The following ABCA13 variants were observed in gnomAD, a reference collection of about 807,000 sequenced individuals.
The protein encoded by ABCA13 is ATP binding cassette subfamily A member 13, also known as ATP-binding cassette sub-family A member 13.
In ABCA13, 476 loss-of-function variants were observed where a neutral mutation model predicts 478.7. The observed-to-expected ratio is 0.99, with a 90% CI of 0.92 to 1.07. The LOEUF is 1.07. ABCA13 is among the 50% of genes least tolerant of loss of function. The pLI, the probability that ABCA13 is intolerant of heterozygous loss-of-function variation, is 0.00. For missense variants in ABCA13, 6,060 were observed against 5,910.6 expected (o/e 1.03, Z -0.83); for synonymous variants, 2,252 against 2,158.9 (o/e 1.04, Z -1.20).
chr7:48,427,923 C>T, intron 42 of ABCA13, 52 bp downstream of exon 42: 2 of 1,211,380 alleles, frequency 1.7e-6, no homozygotes, highest in Admixed American at 4.9e-5. Flanking sequence ...ATGACACCAG[C>T]CTTATTCAAC....
chr7:48,637,381 C>CAAA (rs1156643955), intron 59 of ABCA13, among the ~76,000 whole-genome samples: 524 of 20,242 alleles, frequency 0.026, 42 homozygotes, highest in African/African-American at 0.05. Flanking sequence ...GTTCATAAAG[C>CAAA]AAAAAAAAAA....
chr7:48,455,340 T>C (rs1475395633), intron 43 of ABCA13, 54 bp downstream of exon 43: 24 of 1,536,724 alleles, frequency 1.6e-5, no homozygotes, highest in Non-Finnish European at 2.1e-5. Context: ...AGATTATGAA[T>C]TGCAATAGCT....
At chr7:48,586,027 G>A (rs1323447767) in intron 56 of ABCA13, among the ~76,000 whole-genome samples, 2 of 152,156 alleles carry the variant, frequency 1.3e-5, no homozygotes, top group East Asian at 3.9e-4. Flanking sequence ...CAGAAGAGGT[G>A]ACACATATAT....
At position 48,273,611 on chromosome 7, in the gene ABCA13, T is replaced by G. The variant is rs371435198; in HGVS notation, c.3945T>G (p.Asn1315Lys). 36 of 1,598,496 alleles carry G rather than the reference T, an allele frequency of 2.3e-5. No homozygotes were observed. The highest frequency in any genetic ancestry group is 3.0e-5 in the Non-Finnish European group (35 of 1,171,394). The stretch of plus-strand genomic sequence containing the variant: ...ACTTTCTTTCAAATAATCTCACAAA[T>G]TATGGAGAAAAATTTGAAAATATCA... ...INDFLSNNLT[N>K]YGEKFENIIT... Residue 1315 changes from asparagine to lysine, a missense_variant, in exon 17 of 62, where the codon AAT becomes AAG. By Grantham distance (94) the Asn-to-Lys change is moderately conservative. Around this residue, in one of 3 missense-constraint regions of ABCA13, gnomAD observed 4,423 missense variants for 4,309.1 expected, o/e 1.03. Transcript: ENST00000435803.
intron 41 of ABCA13, among the ~76,000 whole-genome samples, chr7:48,416,456 C>T (rs992291032): frequency 6.6e-6 from 1 of 151,732 alleles, no homozygotes; most frequent in Admixed American, 6.5e-5. Context: ...ATGGTGCTCC[C>T]TCACTGCACT....
chr7:48,386,717 C>T (rs1815249999), intron 35 of ABCA13, among the ~76,000 whole-genome samples: 1 of 152,096 alleles, frequency 6.6e-6, no homozygotes, highest in African/African-American at 2.4e-5. Flanking sequence ...TTCCTTATTG[C>T]CATATACAAA....
chr7:48,422,566 T>C (rs1820912312), intron 41 of ABCA13, among the ~76,000 whole-genome samples: 1 of 152,172 alleles, frequency 6.6e-6, no homozygotes. Context: ...TCATTTTGTG[T>C]TGGACTCCAA....
At position 48,528,365 on chromosome 7, in the gene ABCA13, A is replaced by T. The variant is rs758930951; in HGVS notation, c.14354+20A>T. 1.3e-6 allele frequency: 2 copies of T among 1,494,302 alleles called. No homozygotes were observed. The highest frequency in any genetic ancestry group is 9.0e-7 in the Non-Finnish European group (1 of 1,111,270). 92.6% of individuals were successfully genotyped at this position (1,494,302 alleles called of 1,614,324 possible). A position where few individuals can be genotyped will look rare whatever the true frequency, so the allele number is the denominator to read the frequency against. On this transcript the variant is annotated intron_variant, in intron 55 of 61. Transcript: ENST00000435803. ...CATGGGGTAAGATACAGATTTCATC[A>T]TTTTTGTTGCTTAAAGAGATAATAA... is the stretch of plus-strand genomic sequence containing the variant.
chr7:48,381,920 G>A (rs1814450567), intron 35 of ABCA13, among the ~76,000 whole-genome samples: 1 of 152,226 alleles, frequency 6.6e-6, no homozygotes, highest in Admixed American at 6.5e-5. Flanking sequence ...GATTGCAGAG[G>A]CAAGCCAAAG....
chr7:48,578,733 A>T (rs1436779128), intron 55 of ABCA13, among the ~76,000 whole-genome samples: 3 of 152,224 alleles, frequency 2.0e-5, no homozygotes, highest in Non-Finnish European at 4.4e-5. Flanking sequence ...CAAAAGATCC[A>T]TGATAGGCAA....
intron 32 of ABCA13, among the ~76,000 whole-genome samples, chr7:48,368,843 T>G (rs1812189919): frequency 6.6e-6 from 1 of 151,420 alleles, no homozygotes; most frequent in Non-Finnish European, 1.5e-5. Context: ...TCTGGGTTGG[T>G]TCCATATTTT....
At chr7:48,525,548 T>A (rs188577647) in intron 54 of ABCA13, among the ~76,000 whole-genome samples, 10 of 152,082 alleles carry the variant, frequency 6.6e-5, no homozygotes, top group African/African-American at 2.4e-4. Context: ...TCTGTTTTTA[T>A]GCTTAGGTTC....
At position 48,425,244 on chromosome 7, in the gene ABCA13, C is replaced by T. The variant is rs937512981; in HGVS notation, c.12460-2522C>T. 1.3e-4 allele frequency among the ~76,000 whole-genome samples: 20 copies of T among 152,216 alleles called. No homozygotes were observed. In the South Asian group the frequency reaches 2.3e-3, roughly 17 times the overall value. On this transcript the variant is annotated intron_variant, in intron 41 of 61. Transcript: ENST00000435803. ...ACTCACACACACACACCCTCCTCCCCGCCACATACAACTATGGCCTTTTAT... is the reference window on the plus strand; with the variant it reads ...ACTCACACACACACACCCTCCTCCCTGCCACATACAACTATGGCCTTTTAT...
chr7:48,494,567 G>A lies in ABCA13; in HGVS notation c.13291+5223G>A, dbSNP rs141885505. Among the ~76,000 whole-genome samples, 621 of 152,228 alleles carry A rather than the reference G, an allele frequency of 4.1e-3. 2 individuals carry two copies. The highest frequency in any genetic ancestry group is 0.015 in the South Asian group (72 of 4,824). ...GGAATCAGGGAGTAAGAAACAAAAGGACAGCAAAGCCAGTTATCAAACCCA... is the reference window on the plus strand; with the variant it reads ...GGAATCAGGGAGTAAGAAACAAAAGAACAGCAAAGCCAGTTATCAAACCCA... On this transcript the variant is annotated intron_variant, in intron 48 of 61. Coordinates refer to ENST00000435803, the MANE Select transcript of ABCA13 (RefSeq NM_152701.5).
rs369590432 is a variant in ABCA13, at chr7:48,241,073, C to T, written c.1262+7C>T. 4,230 of 1,613,734 alleles carry T rather than the reference C, an allele frequency of 2.6e-3. 60 individuals are homozygous for T. The highest frequency in any genetic ancestry group is 0.024 in the South Asian group (2,226 of 91,026). On this transcript the variant is annotated splice_region_variant and intron_variant, in intron 10 of 61. Transcript: ENST00000435803. ...ATCATACATTTCCAAAGATGTAAGT[C>T]GCATTTCCCTGTTTGATTATTGATT...
intron 32 of ABCA13, among the ~76,000 whole-genome samples, chr7:48,371,487 G>C (rs1226842871): frequency 6.6e-6 from 1 of 152,032 alleles, no homozygotes; most frequent in Non-Finnish European, 1.5e-5. Context: ...TCCTTGTAGA[G>C]GTCCTTCATC....
intron 39 of ABCA13, among the ~76,000 whole-genome samples, chr7:48,407,768 G>A (rs1447562494): frequency 3.3e-5 from 5 of 151,958 alleles, no homozygotes; most frequent in Non-Finnish European, 7.4e-5. Flanking sequence ...ATGTTGGCCA[G>A]GCTACTCTCT....
chr7:48,458,289 T>A (rs1825884074), intron 43 of ABCA13, among the ~76,000 whole-genome samples: 1 of 152,200 alleles, frequency 6.6e-6, no homozygotes, highest in African/African-American at 2.4e-5. Flanking sequence ...TCCTCCTGAC[T>A]CCCTGTGTAC....
chr7:48,526,460 C>T (rs1042284517), intron 54 of ABCA13, among the ~76,000 whole-genome samples: 1 of 152,138 alleles, frequency 6.6e-6, no homozygotes, highest in African/African-American at 2.4e-5. Flanking sequence ...ATGGAGAGTG[C>T]TATGCAAAAG....
Sources: gnomAD v4.1 joint callset for allele counts (sites outside exome capture counted in the v4.1 genomes callset) on GRCh38, gnomAD v4.1.1 for gene constraint, gnomAD v4.1.1 regional missense constraint, MANE v1.5 for transcripts, NCBI Gene and HGNC (gene_info 2026-07-23, HGNC 2026-07-21) for gene names.